The following TPX2 variants were observed in gnomAD, a reference collection of about 807,000 sequenced individuals.
TPX2 encodes TPX2 microtubule nucleation factor, also known as targeting protein for Xklp2.
A neutral mutation model predicts 93.6 loss-of-function variants in TPX2; 21 were observed. The observed-to-expected ratio is 0.22, with a 90% CI of 0.16 to 0.32. TPX2 has a LOEUF of 0.32. Ranked by LOEUF, TPX2 falls within the 10% of genes least tolerant of loss-of-function variation. The probability of loss-of-function intolerance (pLI) is 1.00; values close to 1 mark genes in which losing one functional copy is unlikely to be tolerated. For missense variants in TPX2, 776 were observed against 871.1 expected, an observed-to-expected ratio of 0.89 and a Z score of 1.37; for synonymous variants, 281 against 298.3, an observed-to-expected ratio of 0.94 and a Z score of 0.60.
chr20:31,746,996 T>G (rs1449910630), intron 2 of TPX2, among the ~76,000 whole-genome samples: 1 of 152,142 alleles, frequency 6.6e-6, no homozygotes, highest in Non-Finnish European at 1.5e-5. Context: ...TCCTCTTTTA[T>G]GCTGTTCTCC....
At chr20:31,797,915 C>T (rs1461869071) in intron 16 of TPX2, among the ~76,000 whole-genome samples, 3 of 152,108 alleles carry the variant, frequency 2.0e-5, no homozygotes, top group South Asian at 2.1e-4. Flanking sequence ...ACTGGGATTC[C>T]ACCGGGTGTG....
intron 11 of TPX2, among the ~76,000 whole-genome samples, 159 bp from the exon 12 acceptor site, chr20:31,783,546 T>C (rs1167474636): frequency 6.6e-6 from 1 of 152,196 alleles, no homozygotes; most frequent in Non-Finnish European, 1.5e-5. Context: ...CCACCGTGCC[T>C]GGCCCATTGT....
intron 2 of TPX2, among the ~76,000 whole-genome samples, chr20:31,744,238 A>G (rs556775175): frequency 7.1e-5 from 10 of 140,120 alleles, no homozygotes; most frequent in Middle Eastern, 3.9e-3. Context: ...CTCTGGCTCA[A>G]TGCAACCTCC....
At chr20:31,775,299 TA>T (rs779996729) in intron 7 of TPX2, among the ~76,000 whole-genome samples, 26 of 152,150 alleles carry the variant, frequency 1.7e-4, no homozygotes, top group Non-Finnish European at 3.8e-4. Context: ...TATTTTGTAA[TA>T]TATTTTAATC....
Position 31,766,613 on chromosome 20 carries a change from C to T in TPX2, c.287C>T (p.Pro96Leu), listed in dbSNP as rs773872282. 21 of 1,613,488 alleles carry T rather than the reference C, an allele frequency of 1.3e-5. No individual in the cohort carries two copies. Among genetic ancestry groups the T allele is most frequent in the Non-Finnish European group, 1.5e-5 (18 of 1,179,890 alleles). The change falls in exon 5 of 18, where the codon CCG (proline) becomes CTG (leucine). Residue 96 changes from proline (P) to leucine (L), a missense_variant. Pro to Leu is a moderately conservative substitution (Grantham distance 98). Coordinates refer to ENST00000300403, the MANE Select transcript of TPX2 (RefSeq NM_012112.5). Reference sequence around the variant, plus strand: ...GAAAATCTTGTGGAACAATCCATTCCGTCAAATGCTTGTTCTTCCCTGGAA... The same window carrying T: ...GAAAATCTTGTGGAACAATCCATTCTGTCAAATGCTTGTTCTTCCCTGGAA... ...EKENLVEQSI[P>L]SNACSSLEVE...
At chr20:31,755,615 T>G (rs954426931) in intron 2 of TPX2, among the ~76,000 whole-genome samples, 7 of 151,836 alleles carry the variant, frequency 4.6e-5, no homozygotes, top group Non-Finnish European at 8.8e-5. Flanking sequence ...AACAAAAAAT[T>G]AGCAAGGTGT....
chr20:31,783,952 G>A lies in TPX2; in HGVS notation c.1413+31G>A, dbSNP rs545190576. ...GTTGAGGCTATGTGTGCTGGCAGAA[G>A]TGTACTGCTCATGACCAGATATCCA... On this transcript the variant is annotated intron_variant, in intron 12 of 17. Transcript: ENST00000300403. The A allele has an allele frequency of 5.0e-6, 8 of 1,609,130 alleles. No homozygotes were observed. In the African/African-American group the frequency reaches 9.3e-5, roughly 19 times the overall value.
chr20:31,777,489 C>A lies in TPX2; in HGVS notation c.733C>A (p.Gln245Lys), dbSNP rs752069805. The change falls in exon 9 of 18, where the codon CAA becomes AAA. Residue 245 changes from glutamine (Q) to lysine (K), a missense_variant and splice_region_variant. Physicochemically the swap from Gln to Lys is moderately conservative, Grantham distance 53. Coordinates refer to ENST00000300403, the MANE Select transcript of TPX2 (RefSeq NM_012112.5). Reference protein sequence around the residue: ...FKKLALAGIGQPVKKSVSQVT... With the variant: ...FKKLALAGIGKPVKKSVSQVT... ...GTTTTACTGTGTTCATCTCTCAGGG[C>A]AACCTGTGAAGAAATCAGTGAGCCA... 1 of 1,613,462 alleles carries A rather than the reference C, an allele frequency of 6.2e-7. No homozygotes were observed. The highest frequency in any genetic ancestry group is 1.7e-5 in the Admixed American group (1 of 59,942).
At chr20:31,797,358 T>G in intron 15 of TPX2, 46 bp from the exon 16 acceptor site, 1 of 1,571,666 alleles carries the variant, frequency 6.4e-7, no homozygotes, top group South Asian at 1.1e-5. Flanking sequence ...GTAGTGGTCA[T>G]AGAAAGGTGA....
chr20:31,769,964 A>G (rs1034079961), intron 5 of TPX2, among the ~76,000 whole-genome samples: 1 of 152,002 alleles, frequency 6.6e-6, no homozygotes, highest in Non-Finnish European at 1.5e-5. Flanking sequence ...CGTAGGGCTA[A>G]TTTTTAAAAA....
chr20:31,753,315 C>T (rs1259141568), intron 2 of TPX2, among the ~76,000 whole-genome samples: 7 of 152,160 alleles, frequency 4.6e-5, no homozygotes, highest in African/African-American at 1.4e-4. Context: ...CTGTGTGATA[C>T]TGGGCAAGTC....
intron 12 of TPX2, among the ~76,000 whole-genome samples, chr20:31,791,269 AG>A (rs1329950035): frequency 1.3e-5 from 2 of 152,300 alleles, no homozygotes; most frequent in Non-Finnish European, 2.9e-5. Flanking sequence ...GGTAAGCAAT[AG>A]GAGCCATTAA....
At chr20:31,758,382 A>G (rs746894541) in intron 3 of TPX2, among the ~76,000 whole-genome samples, 4 of 152,114 alleles carry the variant, frequency 2.6e-5, no homozygotes, top group Non-Finnish European at 5.9e-5. Flanking sequence ...AGCCTCCCAA[A>G]GTGCTGGGAT....
At position 31,757,510 on chromosome 20, in the gene TPX2, G is replaced by A; in HGVS notation, c.34G>A (p.Ala12Thr). 1 of 1,614,044 alleles carries A rather than the reference G, an allele frequency of 6.2e-7. No homozygotes were observed. Among genetic ancestry groups the A allele is most frequent in the Non-Finnish European group, 8.5e-7 (1 of 1,179,980 alleles). Residue 12 changes from alanine to threonine, a missense_variant, in exon 3 of 18, where the codon GCC becomes ACC. By Grantham distance (58) the Ala-to-Thr change is moderately conservative. This residue lies in a region of TPX2 where 36 missense variants were observed against 58.3 expected (regional missense o/e 0.62). Transcript: ENST00000300403. The part of the protein sequence containing the change: ...SQVKSSYSYD[A>T]PSDFINFSSL... ...AGTTAAAAGCTCTTATTCCTATGAT[G>A]CCCCCTCGGATTTCATCAATTTTTC...
At chr20:31,791,654 C>T (rs933677226) in intron 12 of TPX2, among the ~76,000 whole-genome samples, 17 of 152,212 alleles carry the variant, frequency 1.1e-4, no homozygotes, top group African/African-American at 4.1e-4. Context: ...TACATGCAGA[C>T]AATGAATTGG....
chr20:31,766,128 A>G (rs1466984332), intron 4 of TPX2, among the ~76,000 whole-genome samples: 1 of 152,200 alleles, frequency 6.6e-6, no homozygotes, highest in Admixed American at 6.5e-5. Context: ...TAGATTGCAA[A>G]TTATTTTTTA....
chr20:31,743,804 G>A (rs1012407185), intron 2 of TPX2, among the ~76,000 whole-genome samples: 7 of 147,984 alleles, frequency 4.7e-5, no homozygotes, highest in East Asian at 2.0e-4. Context: ...TCAGCTTACC[G>A]TAACCTCCGC....
Position 31,778,897 on chromosome 20 carries a change from A to G in TPX2, c.967A>G (p.Thr323Ala), listed in dbSNP as rs117528644. 657 of 1,612,908 alleles carry G rather than the reference A, an allele frequency of 4.1e-4. 2 individuals are homozygous for G. The East Asian group carries it at 0.012, about 30-fold the overall frequency. Residue 323 changes from threonine (T) to alanine (A), a missense_variant, in exon 10 of 18, where the codon ACA (threonine) becomes GCA (alanine). By Grantham distance (58) the Thr-to-Ala change is moderately conservative (BLOSUM62 0). Around this residue, in one of 3 missense-constraint regions of TPX2, gnomAD observed 461 missense variants for 551.2 expected, o/e 0.84. Coordinates refer to ENST00000300403, the MANE Select transcript of TPX2 (RefSeq NM_012112.5). The stretch of plus-strand genomic sequence containing the variant: ...AAGAACATTTGATGAAACAGTTTCT[A>G]CATATGTGCCCCTTGCACAGCAAGT... ...KKRTFDETVS[T>A]YVPLAQQVED...
intron 6 of TPX2, 92 bp downstream of exon 6, chr20:31,770,563 T>G: frequency 8.4e-7 from 1 of 1,197,028 alleles, no homozygotes; most frequent in Non-Finnish European, 1.1e-6. Context: ...CACTTTAGAT[T>G]GAATAGATTA....
Sources: allele counts gnomAD v4.1 joint callset (sites outside exome capture counted in the v4.1 genomes callset), GRCh38; gene constraint gnomAD v4.1.1; regional missense constraint gnomAD v4.1.1; transcripts MANE v1.5; gene names NCBI Gene and HGNC (gene_info 2026-07-23, HGNC 2026-07-21).